CNBD1: variants seen among roughly 807,000 people sequenced by gnomAD.
CNBD1 encodes cyclic nucleotide-binding domain-containing protein 1.
In CNBD1, 71 loss-of-function variants were observed where a neutral mutation model predicts 54.4. The observed-to-expected ratio is 1.30, with a 90% CI of 1.08 to 1.59. The LOEUF (loss-of-function observed/expected upper bound fraction) is 1.59. CNBD1 is among the 40% of genes most tolerant of loss of function. The probability of loss-of-function intolerance (pLI) is 0.00; values close to 1 mark genes in which losing one functional copy is unlikely to be tolerated. For missense variants in CNBD1, 659 were observed against 518.0 expected, an observed-to-expected ratio of 1.27 and a Z score of -2.64; for synonymous variants, 182 against 170.7, an observed-to-expected ratio of 1.07 and a Z score of -0.51.
chr8:86,931,081 A>G (rs1809449144), intron 3 of CNBD1, among the ~76,000 whole-genome samples: 1 of 152,156 alleles, frequency 6.6e-6, no homozygotes. Context: ...AGGGTGTGGG[A>G]CTTTCAGGCA....
chr8:87,294,319 A>G (rs1056416030), intron 8 of CNBD1, among the ~76,000 whole-genome samples: 20 of 152,182 alleles, frequency 1.3e-4, no homozygotes, highest in African/African-American at 4.3e-4. Context: ...CAGTCTATAC[A>G]TGTTGGGGAT....
At chr8:87,419,484 T>A (rs1258864191) in intron 2 of CNBD1, among the ~76,000 whole-genome samples, 1 of 151,852 alleles carries the variant, frequency 6.6e-6, no homozygotes, top group Non-Finnish European at 1.5e-5. Context: ...TGCATAAGAT[T>A]TGGAGAAAAT....
intron 8 of CNBD1, among the ~76,000 whole-genome samples, chr8:87,315,976 A>G (rs936438073): frequency 6.6e-6 from 1 of 152,054 alleles, no homozygotes; most frequent in East Asian, 1.9e-4. Context: ...CCCCATGAAT[A>G]TATACAATTA....
At chr8:87,191,737 A>G (rs544151683) in intron 4 of CNBD1, among the ~76,000 whole-genome samples, 15 of 152,150 alleles carry the variant, frequency 9.9e-5, no homozygotes, top group Non-Finnish European at 1.5e-4. Context: ...AGAAATGCCT[A>G]TCAAGAAACA....
intron 8 of CNBD1, among the ~76,000 whole-genome samples, chr8:87,326,379 G>A (rs1331938158): frequency 3.2e-5 from 4 of 125,918 alleles, no homozygotes; most frequent in Admixed American, 7.7e-5. Context: ...AGTTCTCCTG[G>A]ATAATATCCT....
chr8:87,423,255 A>T (rs1350039691), intron 2 of CNBD1, among the ~76,000 whole-genome samples: 1 of 151,720 alleles, frequency 6.6e-6, no homozygotes, highest in Admixed American at 6.6e-5. Context: ...TTCCTAATTG[A>T]ATACCCTTTA....
chr8:87,352,304 C>A (rs925901931), intron 9 of CNBD1, among the ~76,000 whole-genome samples: 9 of 151,832 alleles, frequency 5.9e-5, no homozygotes, highest in Non-Finnish European at 1.2e-4. Flanking sequence ...CATGGCAAAA[C>A]CCTGTCTTTA....
chr8:87,118,658 A>C (rs1811828775), intron 4 of CNBD1, among the ~76,000 whole-genome samples: 1 of 152,112 alleles, frequency 6.6e-6, no homozygotes, highest in Non-Finnish European at 1.5e-5. Context: ...GTGCTGAGTG[A>C]AGGTACCTTG....
In CNBD1 at chr8:87,246,913, A is replaced by G. The variant is rs187425621; in HGVS notation, c.771+9801A>G. ...TACAACTCATCATAATGTAGAACCTATGGGAGCCCTGAGCTTGTTTTCCTG... is the reference window on the plus strand; with the variant it reads ...TACAACTCATCATAATGTAGAACCTGTGGGAGCCCTGAGCTTGTTTTCCTG... On this transcript the variant is annotated intron_variant, in intron 6 of 10. Transcript: ENST00000518476. 6.6e-5 allele frequency among the ~76,000 whole-genome samples: 10 copies of G among 152,196 alleles called. No individual in the cohort carries two copies. In the East Asian group the frequency reaches 9.7e-4, roughly 15 times the overall value.
At chr8:87,153,963 C>T (rs1299679889) in intron 4 of CNBD1, among the ~76,000 whole-genome samples, 1 of 152,036 alleles carries the variant, frequency 6.6e-6, no homozygotes, top group Non-Finnish European at 1.5e-5. Context: ...CAAGTAGTGG[C>T]ACGGAACTGA....
intron 4 of CNBD1, among the ~76,000 whole-genome samples, chr8:87,199,141 C>T (rs1332613481): frequency 1.3e-5 from 2 of 152,192 alleles, no homozygotes; most frequent in Non-Finnish European, 2.9e-5. Context: ...CCAAACACCT[C>T]GCGGGGATGA....
At chr8:87,318,444 A>G (rs1809446679) in intron 8 of CNBD1, among the ~76,000 whole-genome samples, 1 of 152,040 alleles carries the variant, frequency 6.6e-6, no homozygotes, top group African/African-American at 2.4e-5. Context: ...AATTTTCCCC[A>G]CTGCTGAGGA....
intron 4 of CNBD1, among the ~76,000 whole-genome samples, chr8:87,157,138 CA>C (rs1812758504): frequency 6.6e-6 from 1 of 152,092 alleles, no homozygotes; most frequent in African/African-American, 2.4e-5. Context: ...CAATCCTCTC[CA>C]AAAAACAAGA....
At chr8:87,386,054 G>T (rs981096174), downstream of CNBD1, among the ~76,000 whole-genome samples, 3 of 152,088 alleles carry the variant, frequency 2.0e-5, no homozygotes, top group Non-Finnish European at 2.9e-5. Context: ...GCAGCTGAGG[G>T]TCCTGACTGT....
At chr8:87,047,579 T>C (rs565566216) in intron 4 of CNBD1, among the ~76,000 whole-genome samples, 75 of 152,330 alleles carry the variant, frequency 4.9e-4, no homozygotes, top group Non-Finnish European at 9.8e-4. Flanking sequence ...GCAATGAAGA[T>C]AATAACTAAG....
At chr8:86,991,333 T>C (rs931414900) in intron 4 of CNBD1, among the ~76,000 whole-genome samples, 1 of 152,160 alleles carries the variant, frequency 6.6e-6, no homozygotes, top group Admixed American at 6.5e-5. Context: ...ATGGTTTTTA[T>C]TTTTGTCATT....
intron 4 of CNBD1, among the ~76,000 whole-genome samples, chr8:87,074,129 G>A (rs1482092010): frequency 1.3e-5 from 2 of 151,596 alleles, no homozygotes; most frequent in African/African-American, 4.9e-5. Flanking sequence ...CAGCAGTCTG[G>A]CTGCTTTTTG....
At chr8:87,122,181 C>T (rs1218824125) in intron 4 of CNBD1, among the ~76,000 whole-genome samples, 2 of 151,844 alleles carry the variant, frequency 1.3e-5, no homozygotes, top group Admixed American at 6.6e-5. Flanking sequence ...TACATTCCCA[C>T]CAACAGTGTT....
intron 4 of CNBD1, among the ~76,000 whole-genome samples, chr8:86,989,958 A>G (rs1023302520): frequency 1.3e-5 from 2 of 152,140 alleles, no homozygotes; most frequent in Admixed American, 6.5e-5. Context: ...AATCATGTTG[A>G]GCATTTTTTC....
Sources: gnomAD v4.1 joint callset for allele counts (sites outside exome capture counted in the v4.1 genomes callset) on GRCh38, gnomAD v4.1.1 for gene constraint, MANE v1.5 for transcripts, NCBI Gene and HGNC (gene_info 2026-07-23, HGNC 2026-07-21) for gene names.